The following ATP13A4 variants were observed in gnomAD, a reference collection of about 807,000 sequenced individuals.
ATP13A4 encodes probable cation-transporting ATPase 13A4.
ATP13A4 carries 114 observed loss-of-function variants against 142.5 expected under a neutral mutation model. The observed-to-expected ratio is 0.80, with a 90% CI of 0.69 to 0.93. The LOEUF (loss-of-function observed/expected upper bound fraction) is 0.93. Ranked by LOEUF, ATP13A4 falls within the 40% of genes least tolerant of loss-of-function variation. The pLI is 0.00. For missense variants in ATP13A4, 1,392 were observed against 1,454.0 expected, an observed-to-expected ratio of 0.96 and a Z score of 0.69; for synonymous variants, 488 against 514.8, an observed-to-expected ratio of 0.95 and a Z score of 0.70.
intron 25 of ATP13A4, among the ~76,000 whole-genome samples, chr3:193,415,785 A>T (rs543323011): frequency 6.6e-6 from 1 of 152,362 alleles, no homozygotes; most frequent in African/African-American, 2.4e-5. Flanking sequence ...TAAAATAACC[A>T]TCTAAAGCCT....
At chr3:193,449,691 T>C (rs1717157613) in intron 17 of ATP13A4, among the ~76,000 whole-genome samples, 1 of 152,244 alleles carries the variant, frequency 6.6e-6, no homozygotes, top group Non-Finnish European at 1.5e-5. Flanking sequence ...CTCTAGACAT[T>C]TGCTTTAGAC....
At chr3:193,446,633 G>A (rs1716970427) in intron 18 of ATP13A4, among the ~76,000 whole-genome samples, 2 of 152,042 alleles carry the variant, frequency 1.3e-5, no homozygotes, top group African/African-American at 4.8e-5. Flanking sequence ...TTTATCATAT[G>A]TATAACATTC....
At chr3:193,489,549 T>C (rs1476901776) in intron 7 of ATP13A4, among the ~76,000 whole-genome samples, 181 bp downstream of exon 7, 1 of 152,168 alleles carries the variant, frequency 6.6e-6, no homozygotes, top group Non-Finnish European at 1.5e-5. Flanking sequence ...GGGATTGGAA[T>C]GGGAGGAAAG....
intron 1 of ATP13A4, among the ~76,000 whole-genome samples, chr3:193,519,698 G>T (rs1049381063): frequency 1.5e-5 from 2 of 134,496 alleles, no homozygotes; most frequent in Admixed American, 8.4e-5. Context: ...AGGCTGGAGT[G>T]CAGTGGCGCA....
chr3:193,464,563 G>T (rs564068739), intron 12 of ATP13A4, among the ~76,000 whole-genome samples: 1 of 152,194 alleles, frequency 6.6e-6, no homozygotes, highest in South Asian at 2.1e-4. Context: ...GATATTTATT[G>T]CACACTAACT....
At chr3:193,470,783 G>C in intron 9 of ATP13A4, 76 bp downstream of exon 9, 1 of 1,602,390 alleles carries the variant, frequency 6.2e-7, no homozygotes, top group Non-Finnish European at 8.5e-7. Flanking sequence ...AGGTAGAGGA[G>C]GAGGCGTAGG....
chr3:193,567,029 C>A (rs1257725981), intron 2 of ATP13A4, among the ~76,000 whole-genome samples: 2 of 145,928 alleles, frequency 1.4e-5, no homozygotes, highest in African/African-American at 5.1e-5. Flanking sequence ...TTTTAGAATT[C>A]TCTTGTGAAT....
chr3:193,457,492 G>A (rs74785063), intron 14 of ATP13A4, 27 bp from the exon 15 acceptor site: 16,091 of 1,595,592 alleles, frequency 0.01, 248 homozygotes, highest in East Asian at 0.082. Context: ...ATATTTCATT[G>A]CAGAGATTTA....
chr3:193,405,012 T>C (rs1714424458), intron 29 of ATP13A4, among the ~76,000 whole-genome samples: 1 of 152,178 alleles, frequency 6.6e-6, no homozygotes, highest in African/African-American at 2.4e-5. Context: ...GGAGGTTCGA[T>C]CATGAGCACT....
intron 25 of ATP13A4, among the ~76,000 whole-genome samples, chr3:193,424,267 T>C (rs1321135580): frequency 6.7e-6 from 1 of 149,002 alleles, no homozygotes; most frequent in Non-Finnish European, 1.5e-5. Flanking sequence ...TAAAACAATC[T>C]ACAGATTCAA....
chr3:193,509,326 T>C (rs1189203966), intron 2 of ATP13A4, among the ~76,000 whole-genome samples: 1 of 152,218 alleles, frequency 6.6e-6, no homozygotes, highest in African/African-American at 2.4e-5. Context: ...TACATTTATT[T>C]GTGTACCGAT....
chr3:193,571,141 G>C (rs2108741246), intron 2 of ATP13A4, among the ~76,000 whole-genome samples: 1 of 152,178 alleles, frequency 6.6e-6, no homozygotes, highest in South Asian at 2.1e-4. Flanking sequence ...AGCCGGGCAT[G>C]GTGGCGTGGG....
intron 21 of ATP13A4, chr3:193,440,304 T>C: frequency 1.9e-6 from 1 of 520,356 alleles, no homozygotes; most frequent in Non-Finnish European, 3.3e-6. Flanking sequence ...TTCTCAGCAT[T>C]GAATGCAAAA....
chr3:193,493,437 T>C (rs1485446163), intron 3 of ATP13A4, among the ~76,000 whole-genome samples: 2 of 151,978 alleles, frequency 1.3e-5, no homozygotes, highest in African/African-American at 2.4e-5. Flanking sequence ...CTTTATAAAC[T>C]AAGGAGGAAA....
At chr3:193,567,910 C>A (rs1343447132) in intron 2 of ATP13A4, among the ~76,000 whole-genome samples, 1 of 152,134 alleles carries the variant, frequency 6.6e-6, no homozygotes, top group Non-Finnish European at 1.5e-5. Context: ...ATGGTTGTGC[C>A]TTTGGTAAAA....
chr3:193,549,427 TATATATAGAG>T (rs1271935022), intron 1 of ATP13A4, among the ~76,000 whole-genome samples: 2 of 141,778 alleles, frequency 1.4e-5, no homozygotes, highest in Admixed American at 6.9e-5. Flanking sequence ...AATATATATA[TATATATAGAG>T]AGAGAGAGAG....
At chr3:193,552,051 G>C (rs908109052) in intron 1 of ATP13A4, among the ~76,000 whole-genome samples, 1 of 152,152 alleles carries the variant, frequency 6.6e-6, no homozygotes, top group Non-Finnish European at 1.5e-5. Context: ...TTGGCTCACT[G>C]CAACCTCTGC....
Position 193,573,306 on chromosome 3 carries a change from T to C in ATP13A4, n.291+8401A>G, listed in dbSNP as rs796242246. On this transcript the variant is annotated intron_variant and non_coding_transcript_variant, in intron 2 of 3. Coordinates refer to the ATP13A4 transcript ENST00000489140. Reference sequence around the variant, plus strand: ...ATATATATACACATATATATATATATACATATATATATATATATATAATTT... The same window carrying C: ...ATATATATACACATATATATATATACACATATATATATATATATATAATTT... Among the ~76,000 whole-genome samples, 195 of 132,004 alleles carry C rather than the reference T, an allele frequency of 1.5e-3. 9 individuals are homozygous for C. The East Asian group carries it at 0.022, about 15-fold the overall frequency. The allele number at this position is 132,004 out of a possible 152,430, so 86.6% of individuals were successfully genotyped here.
chr3:193,459,498 C>T (rs1278123414), intron 13 of ATP13A4, among the ~76,000 whole-genome samples: 1 of 152,098 alleles, frequency 6.6e-6, no homozygotes, highest in Non-Finnish European at 1.5e-5. Flanking sequence ...AGGACAGTGG[C>T]GTGATCTCGA....
Sources: allele counts gnomAD v4.1 joint callset (sites outside exome capture counted in the v4.1 genomes callset), GRCh38; gene constraint gnomAD v4.1.1; transcripts MANE v1.5; gene names NCBI Gene and HGNC (gene_info 2026-07-23, HGNC 2026-07-21).